Variants in FAXC observed in about 807,000 individuals in gnomAD.
FAXC encodes failed axon connections homolog, metaxin like GST domain containing.
Under a neutral mutation model 41.9 loss-of-function variants are expected in FAXC, and 10 were observed. The ratio of observed to expected loss-of-function variants is 0.24; its 90% CI spans 0.15 to 0.41. The LOEUF (loss-of-function observed/expected upper bound fraction) is 0.41, where lower values mean the gene tolerates loss of function less well. Among genes scored for constraint, FAXC ranks in the 10% least tolerant of loss-of-function variants. The pLI, the probability that FAXC is intolerant of heterozygous loss-of-function variation, is 1.00. For missense variants in FAXC, 399 were observed against 510.9 expected (o/e 0.78, Z 2.11); for synonymous variants, 183 against 183.8 (o/e 1.00, Z 0.03).
At position 99,291,790 on chromosome 6, in the gene FAXC, A is replaced by C; in HGVS notation, c.854T>G (p.Leu285Arg). 1 of 1,614,160 alleles carries C rather than the reference A, an allele frequency of 6.2e-7. No homozygotes were observed. Among genetic ancestry groups the C allele is most frequent in the Non-Finnish European group, 8.5e-7 (1 of 1,180,014 alleles). ...GDKKYIMGPK[L>R]STLDATVFGH... ...AAAGACAGTGGCGTCAAGAGTGGAA[A>C]GCTTGGGCCCCATGATGTACTTCTT... Residue 285 changes from leucine to arginine, a missense_variant, in exon 5 of 6, where the codon CTT becomes CGT. By Grantham distance (102) the Leu-to-Arg change is moderately radical. Around this residue, in one of 3 missense-constraint regions of FAXC, gnomAD observed 239 missense variants for 352.7 expected, o/e 0.68. Transcript: ENST00000389677.
At chr6:99,289,783 T>G (rs182106528) in intron 5 of FAXC, among the ~76,000 whole-genome samples, 1 of 151,900 alleles carries the variant, frequency 6.6e-6, no homozygotes, top group African/African-American at 2.4e-5. Flanking sequence ...ATACATTAGT[T>G]TAGCTTACCT....
intron 3 of FAXC, among the ~76,000 whole-genome samples, chr6:99,325,663 T>C (rs1772774716): frequency 6.6e-6 from 1 of 152,228 alleles, no homozygotes; most frequent in Non-Finnish European, 1.5e-5. Flanking sequence ...GTAATTAAGA[T>C]GACAATTTTC....
intron 2 of FAXC, among the ~76,000 whole-genome samples, chr6:99,333,930 A>G (rs935979909): frequency 4.6e-5 from 7 of 152,154 alleles, no homozygotes; most frequent in African/African-American, 1.7e-4. Context: ...GTCAATATAA[A>G]CCACAAGGAG....
chr6:99,284,743 T>C lies in FAXC; in HGVS notation c.941-3290A>G, dbSNP rs940086031. Reference sequence around the variant, plus strand: ...GCCTGGCCAACATGGCGAAACCCCATCTCTACTAAAAAATGCAAAAAGTAG... The same window carrying C: ...GCCTGGCCAACATGGCGAAACCCCACCTCTACTAAAAAATGCAAAAAGTAG... On this transcript the variant is annotated intron_variant, in intron 5 of 5. Coordinates refer to ENST00000389677, the MANE Select transcript of FAXC (RefSeq NM_032511.4). 3.3e-5 allele frequency among the ~76,000 whole-genome samples: 5 copies of C among 151,924 alleles called. No homozygotes were observed. The East Asian group carries it at 7.7e-4, about 23-fold the overall frequency.
rs1186433140 is a variant in FAXC at position 99,349,448 on chromosome 6, C to G, written c.-76G>C. 8.9e-7 allele frequency: 1 copy of G among 1,128,444 alleles called. No homozygotes were observed. The highest frequency in any genetic ancestry group is 1.1e-6 in the Non-Finnish European group (1 of 921,542). The allele number at this position is 1,128,444 out of a possible 1,614,324, so 69.9% of individuals were successfully genotyped here. A position where few individuals can be genotyped will look rare whatever the true frequency, so the allele number is the denominator to read the frequency against. On this transcript the variant is annotated 5_prime_UTR_variant, in exon 1 of 6. Coordinates refer to ENST00000389677, the MANE Select transcript of FAXC (RefSeq NM_032511.4). The stretch of plus-strand genomic sequence containing the variant: ...GGGAAGGGGCCGGCGCGGCCCGGCG[C>G]GGGCTCAGAGGCGCGCGGAGGGCGC...
intron 4 of FAXC, 32 bp from the exon 5 acceptor site, chr6:99,291,852 C>A: frequency 1.4e-6 from 2 of 1,447,950 alleles, no homozygotes; most frequent in Non-Finnish European, 1.9e-6. Context: ...AGTCAATGGG[C>A]TGGCCCACAC....
At chr6:99,302,853 T>G (rs567905083) in intron 4 of FAXC, among the ~76,000 whole-genome samples, 1 of 151,552 alleles carries the variant, frequency 6.6e-6, no homozygotes, top group Non-Finnish European at 1.5e-5. Flanking sequence ...TGTCATGATA[T>G]CTGTAATTTA....
chr6:99,326,944 A>C (rs1772832369), intron 3 of FAXC, among the ~76,000 whole-genome samples: 1 of 152,192 alleles, frequency 6.6e-6, no homozygotes, highest in Non-Finnish European at 1.5e-5. Context: ...TCTGGGCCAC[A>C]CAACTTGGCA....
At chr6:99,341,066 G>A (rs958469698) in intron 2 of FAXC, among the ~76,000 whole-genome samples, 1 of 152,164 alleles carries the variant, frequency 6.6e-6, no homozygotes, top group African/African-American at 2.4e-5. Flanking sequence ...AACTGCTAAT[G>A]TGTTTGTATT....
intron 3 of FAXC, among the ~76,000 whole-genome samples, chr6:99,326,832 A>G (rs1428389098): frequency 6.6e-6 from 1 of 152,196 alleles, no homozygotes; most frequent in Non-Finnish European, 1.5e-5. Context: ...TGATGACTTC[A>G]GCTTCCTCCG....
rs1770405087 is a variant in FAXC, at chr6:99,271,646, A to T, written c.*9518T>A. ...AATCTGAGAAAAACCCAGATCCAAAACACTTCTGGTCCCAAGCACTTCAGA... is the reference window on the plus strand; with the variant it reads ...AATCTGAGAAAAACCCAGATCCAAATCACTTCTGGTCCCAAGCACTTCAGA... On this transcript the variant is annotated 3_prime_UTR_variant, in exon 6 of 6. Coordinates refer to ENST00000389677, the MANE Select transcript of FAXC (RefSeq NM_032511.4). 6.6e-6 allele frequency: 1 copy of T among 152,156 alleles called. No individual in the cohort carries two copies. The highest frequency in any genetic ancestry group is 6.5e-5 in the Admixed American group (1 of 15,278). The allele number at this position is 152,156 out of a possible 1,614,324, so 9.4% of individuals were successfully genotyped here.
intron 2 of FAXC, among the ~76,000 whole-genome samples, chr6:99,336,241 A>ATTT (rs113973057): frequency 6.6e-6 from 1 of 151,218 alleles, no homozygotes; most frequent in African/African-American, 2.4e-5. Flanking sequence ...AAAAATGTTG[A>ATTT]TTTTTTTTCT....
At position 99,281,597 on chromosome 6, in the gene FAXC, T is replaced by TTCGC. The variant is rs1770840192; in HGVS notation, c.941-145_941-144insGCGA. 6 of 688,292 alleles carry TTCGC rather than the reference T, an allele frequency of 8.7e-6. 1 individual carries two copies. The highest frequency in any genetic ancestry group is 5.5e-5 in the South Asian group (3 of 54,904). 42.6% of individuals were successfully genotyped at this position (688,292 alleles called of 1,614,324 possible). ...AGGAGGTGGGGCCTTTAAGAGGTGG[T>TTCGC]TCGTTCATGAGGCCCAAGCCCTCAT... On this transcript the variant is annotated intron_variant, in intron 5 of 5. Transcript: ENST00000389677.
chr6:99,326,184 T>C (rs561745041), intron 3 of FAXC, among the ~76,000 whole-genome samples: 1 of 152,172 alleles, frequency 6.6e-6, no homozygotes, highest in South Asian at 2.1e-4. Context: ...ACAAGAAACA[T>C]AATCAGATTT....
rs112474611 is a variant in FAXC, at chr6:99,290,612, GA to G, written c.940+1091del. Among the ~76,000 whole-genome samples, 124 of 151,710 alleles carry G rather than the reference GA, an allele frequency of 8.2e-4. 3 individuals carry two copies. The highest frequency in any genetic ancestry group is 2.8e-3 in the African/African-American group (117 of 41,418). ...AGCTACTCAGGAGGCTGAGGCAGGA[GA>G]ATCTCTTGAACCCGGGAGGCGGAGG... On this transcript the variant is annotated intron_variant, in intron 5 of 5. Coordinates refer to ENST00000389677, the MANE Select transcript of FAXC (RefSeq NM_032511.4).
chr6:99,311,528 T>C (rs149163257), intron 4 of FAXC, among the ~76,000 whole-genome samples: 1,689 of 152,252 alleles, frequency 0.011, 32 homozygotes, highest in African/African-American at 0.039. Flanking sequence ...TAAGCCAAGA[T>C]TGTGCCACTG....
chr6:99,306,995 G>T (rs1367339473), intron 4 of FAXC, among the ~76,000 whole-genome samples: 2 of 152,174 alleles, frequency 1.3e-5, no homozygotes, highest in Admixed American at 6.5e-5. Flanking sequence ...ACCTTCCAGA[G>T]GAGAAAGCCT....
At chr6:99,289,222 T>G (rs2128448872) in intron 5 of FAXC, among the ~76,000 whole-genome samples, 1 of 152,294 alleles carries the variant, frequency 6.6e-6, no homozygotes, top group East Asian at 1.9e-4. Flanking sequence ...CCCCAGGCAC[T>G]TGCTTAGGTA....
chr6:99,308,414 T>C (rs962020645), intron 4 of FAXC, among the ~76,000 whole-genome samples: 1 of 152,230 alleles, frequency 6.6e-6, no homozygotes, highest in African/African-American at 2.4e-5. Context: ...TAAGACCACG[T>C]GGCATTGAAG....
Sources: allele counts gnomAD v4.1 joint callset (sites outside exome capture counted in the v4.1 genomes callset), GRCh38; gene constraint gnomAD v4.1.1; regional missense constraint gnomAD v4.1.1; transcripts MANE v1.5; gene names NCBI Gene and HGNC (gene_info 2026-07-23, HGNC 2026-07-21).